Variants in SIK3 observed in about 807,000 individuals in gnomAD.
SIK3 encodes serine/threonine-protein kinase SIK3.
SIK3 carries 28 observed loss-of-function variants against 144.2 expected under a neutral mutation model. The ratio of observed to expected loss-of-function variants is 0.19; its 90% confidence interval spans 0.14 to 0.27. The LOEUF (loss-of-function observed/expected upper bound fraction) is 0.27. Among genes scored for constraint, SIK3 ranks in the 10% least tolerant of loss-of-function variants. The pLI, the probability that SIK3 is intolerant of heterozygous loss-of-function variation, is 1.00. For missense variants in SIK3, 1,319 were observed against 1,776.0 expected, an observed-to-expected ratio of 0.74 and a Z score of 4.62; for synonymous variants, 686 against 676.3, an observed-to-expected ratio of 1.01 and a Z score of -0.22.
chr11:117,098,263 T>TG lies in SIK3; in HGVS notation c.152dup (p.Ala52SerfsTer48). On this transcript the variant is annotated frameshift_variant, in exon 1 of 25. Transcript: ENST00000445177. LOFTEE classifies it high-confidence loss of function. ...GCATGGGTCCGCGGGAGGCCGGGGC[T>TG]GGGGGACGCGGCTGGCCGGCCGCAG... 2 of 1,403,278 alleles carry TG rather than the reference T, an allele frequency of 1.4e-6. No homozygotes were observed. The highest frequency in any genetic ancestry group is 2.4e-5 in the Admixed American group (1 of 42,312). The allele number at this position is 1,403,278 out of a possible 1,614,324, so 86.9% of individuals were successfully genotyped here. A position where few individuals can be genotyped will look rare whatever the true frequency, so the allele number is the denominator to read the frequency against.
intron 1 of SIK3, among the ~76,000 whole-genome samples, chr11:116,966,155 C>T (rs1300366513): frequency 1.3e-5 from 2 of 152,048 alleles, no homozygotes; most frequent in Non-Finnish European, 2.9e-5. Context: ...CAAAATAGGC[C>T]GGCCTGGTGG....
At position 117,054,453 on chromosome 11, in the gene SIK3, G is replaced by C. The variant is rs112065745; in HGVS notation, c.273+43690C>G. ...TGGAGGCTTTATATTTCAGGTAAGA[G>C]AGACCCATCAGAGGCCTTTCTGCTG... On this transcript the variant is annotated intron_variant, in intron 1 of 24. Transcript: ENST00000445177. 9.1e-4 allele frequency among the ~76,000 whole-genome samples: 139 copies of C among 152,288 alleles called. No homozygotes were observed. The Middle Eastern group carries it at 0.014, about 15-fold the overall frequency.
chr11:117,062,150 C>A (rs1437870598), intron 1 of SIK3, among the ~76,000 whole-genome samples: 1 of 151,954 alleles, frequency 6.6e-6, no homozygotes, highest in African/African-American at 2.4e-5. Context: ...CATGGTGAAA[C>A]CCCATCTCTA....
intron 3 of SIK3, among the ~76,000 whole-genome samples, chr11:116,946,868 C>A (rs1283436094): frequency 6.6e-6 from 1 of 152,014 alleles, no homozygotes; most frequent in African/African-American, 2.4e-5. Flanking sequence ...GTAATCCCAG[C>A]ACTTTGGGAG....
intron 1 of SIK3, among the ~76,000 whole-genome samples, chr11:117,021,928 CAAAAAAA>C (rs71037444): frequency 4.4e-3 from 260 of 58,786 alleles, no homozygotes; most frequent in African/African-American, 0.011. Context: ...TCTGTCTCTA[CAAAAAAA>C]AAAAAAAAAA....
At chr11:116,876,639 C>T (rs1244589204) in intron 7 of SIK3, among the ~76,000 whole-genome samples, 3 of 152,188 alleles carry the variant, frequency 2.0e-5, no homozygotes, top group Non-Finnish European at 2.9e-5. Flanking sequence ...AAGAGGAAGG[C>T]GACATCCCCA....
intron 3 of SIK3, among the ~76,000 whole-genome samples, chr11:116,949,973 C>T (rs565493152): frequency 2.6e-5 from 4 of 152,166 alleles, no homozygotes; most frequent in South Asian, 2.1e-4. Context: ...CTCTGAGTGA[C>T]GCTCCCACTC....
intron 1 of SIK3, among the ~76,000 whole-genome samples, chr11:117,097,509 A>G (rs73576682): frequency 0.067 from 8,391 of 125,712 alleles, 528 homozygotes; most frequent in African/African-American, 0.18. Context: ...TTATTTCCCC[A>G]TTTTCCTCAT....
chr11:117,050,398 A>T (rs569718879), intron 1 of SIK3, among the ~76,000 whole-genome samples: 10 of 152,250 alleles, frequency 6.6e-5, no homozygotes, highest in African/African-American at 2.4e-4. Context: ...TAATTATTTC[A>T]AAATAAGCTG....
intron 1 of SIK3, among the ~76,000 whole-genome samples, chr11:117,010,988 C>A (rs567966715): frequency 6.6e-6 from 1 of 152,040 alleles, no homozygotes; most frequent in Non-Finnish European, 1.5e-5. Flanking sequence ...GGTGTGATGG[C>A]GCATGCCTGT....
rs1405256210 is a variant in SIK3 at position 116,846,630 on chromosome 11, AT to A, written c.3953-78del. On this transcript the variant is annotated intron_variant, in intron 23 of 24. Coordinates refer to ENST00000445177, the MANE Select transcript of SIK3 (RefSeq NM_001366686.3). The surrounding 1 kb of genome is among the most constrained non-coding windows in gnomAD (Gnocchi z 4.1). ...AGAGCAAGGGGGAGAGAGAGGAGGA[AT>A]TGAAGGCAACCTGTCGAGCATCCCA... 1.3e-6 allele frequency: 2 copies of A among 1,545,566 alleles called. No individual in the cohort carries two copies. Among genetic ancestry groups the A allele is most frequent in the Non-Finnish European group, 1.8e-6 (2 of 1,128,462 alleles).
intron 6 of SIK3, among the ~76,000 whole-genome samples, chr11:116,881,716 TA>T (rs201372492): frequency 6.6e-6 from 1 of 150,962 alleles, no homozygotes; most frequent in Non-Finnish European, 1.5e-5. Flanking sequence ...TAGAAAAGAG[TA>T]AAAAAAATAG....
chr11:116,941,221 T>G (rs1948281067), intron 3 of SIK3, among the ~76,000 whole-genome samples: 1 of 152,046 alleles, frequency 6.6e-6, no homozygotes, highest in South Asian at 2.1e-4. Context: ...TTAGCCAGGA[T>G]GGTCTCAATC....
intron 1 of SIK3, among the ~76,000 whole-genome samples, chr11:117,046,495 A>C (rs1191170202): frequency 6.6e-6 from 1 of 152,194 alleles, no homozygotes; most frequent in Non-Finnish European, 1.5e-5. Context: ...AATCACTGCA[A>C]AGGTTATATT....
At chr11:117,077,983 T>G (rs1368032662) in intron 1 of SIK3, among the ~76,000 whole-genome samples, 1 of 152,246 alleles carries the variant, frequency 6.6e-6, no homozygotes, top group South Asian at 2.1e-4. Flanking sequence ...ACCCCTATTA[T>G]GCTCTTTGAG....
intron 4 of SIK3, among the ~76,000 whole-genome samples, chr11:116,925,357 G>C (rs1323678115): frequency 1.3e-5 from 2 of 152,222 alleles, no homozygotes; most frequent in Admixed American, 6.5e-5. Flanking sequence ...AGGAGGGTCG[G>C]AATTAGGAGT....
intron 4 of SIK3, among the ~76,000 whole-genome samples, chr11:116,906,064 C>T (rs1946013403): frequency 6.6e-6 from 1 of 152,124 alleles, no homozygotes; most frequent in Non-Finnish European, 1.5e-5. Flanking sequence ...GAGAGCCACA[C>T]TTACAGGCAA....
intron 1 of SIK3, among the ~76,000 whole-genome samples, chr11:117,043,907 T>C (rs1391445004): frequency 6.6e-6 from 1 of 152,218 alleles, no homozygotes; most frequent in East Asian, 1.9e-4. Flanking sequence ...AAGTTCTTAA[T>C]TCATGTTTAA....
chr11:117,055,574 C>T (rs1356562792), intron 1 of SIK3, among the ~76,000 whole-genome samples: 1 of 152,154 alleles, frequency 6.6e-6, no homozygotes, highest in Non-Finnish European at 1.5e-5. Flanking sequence ...GAGCCAAGGA[C>T]AAAATCCAGA....
Sources: allele counts gnomAD v4.1 joint callset (sites outside exome capture counted in the v4.1 genomes callset), GRCh38; gene constraint gnomAD v4.1.1; non-coding constraint Gnocchi (gnomAD v3.1); transcripts MANE v1.5; gene names NCBI Gene and HGNC (gene_info 2026-07-23, HGNC 2026-07-21).